OTUD7A: variants seen among roughly 807,000 people sequenced by gnomAD.
OTUD7A encodes OTU domain-containing protein 7A.
OTUD7A carries 12 observed loss-of-function variants against 65.7 expected under a neutral mutation model. That is an observed-to-expected ratio of 0.18 (90% confidence interval 0.12 to 0.30). OTUD7A has a LOEUF of 0.30. Among genes scored for constraint, OTUD7A ranks in the 10% least tolerant of loss-of-function variants. The probability of loss-of-function intolerance (pLI) is 1.00; values close to 1 mark genes in which losing one functional copy is unlikely to be tolerated. For missense variants in OTUD7A, 1,148 were observed against 1,304.8 expected, an observed-to-expected ratio of 0.88 and a Z score of 1.85; for synonymous variants, 641 against 586.3, an observed-to-expected ratio of 1.09 and a Z score of -1.35.
At chr15:31,501,642 G>T (rs1413141885) in intron 10 of OTUD7A, 48 bp downstream of exon 10, 1 of 1,611,456 alleles carries the variant, frequency 6.2e-7, no homozygotes, top group African/African-American at 1.3e-5. Flanking sequence ...TGATGGCTCT[G>T]CCCCCACCCT....
intron 3 of OTUD7A, among the ~76,000 whole-genome samples, chr15:31,614,311 A>ACAG (rs1242463775): frequency 6.6e-6 from 1 of 152,174 alleles, no homozygotes; most frequent in Non-Finnish European, 1.5e-5. Context: ...AATAGAAAAA[A>ACAG]AAAGACAATG....
At chr15:31,564,333 G>T (rs535330674) in intron 4 of OTUD7A, among the ~76,000 whole-genome samples, 5 of 146,304 alleles carry the variant, frequency 3.4e-5, no homozygotes, top group Admixed American at 2.2e-4. Flanking sequence ...GGCACTCAAG[G>T]CCTTAGGAGA....
At chr15:31,515,931 T>TATCCATCC (rs75133111) in intron 8 of OTUD7A, among the ~76,000 whole-genome samples, 48 of 142,824 alleles carry the variant, frequency 3.4e-4, no homozygotes, top group African/African-American at 5.2e-4. Context: ...CATGTACCTC[T>TATCCATCC]ATCCATCCAT....
chr15:31,503,130 C>T (rs966035974), intron 9 of OTUD7A, among the ~76,000 whole-genome samples: 2 of 152,104 alleles, frequency 1.3e-5, no homozygotes, highest in African/African-American at 4.8e-5. Flanking sequence ...GGTGTCCACC[C>T]TGGGAGGTTG....
chr15:31,755,709 G>A (rs1405648533), intron 1 of OTUD7A, among the ~76,000 whole-genome samples: 4 of 149,814 alleles, frequency 2.7e-5, no homozygotes, highest in Admixed American at 6.6e-5. Context: ...GAGACAGAGC[G>A]AGACTCTGTC....
chr15:31,781,552 G>A (rs1357809209), intron 1 of OTUD7A, among the ~76,000 whole-genome samples: 1 of 152,162 alleles, frequency 6.6e-6, no homozygotes, highest in African/African-American at 2.4e-5. Context: ...CTGCACCAAT[G>A]TATACATCTT....
intron 1 of OTUD7A, among the ~76,000 whole-genome samples, chr15:31,772,280 A>C (rs1002717570): frequency 2.0e-5 from 3 of 151,434 alleles, no homozygotes; most frequent in Non-Finnish European, 2.9e-5. Context: ...AATATTTTAG[A>C]GTGTTGATTT....
intron 1 of OTUD7A, among the ~76,000 whole-genome samples, chr15:31,709,034 G>A (rs12592834): frequency 0.49 from 74,190 of 151,170 alleles, 20,729 homozygotes; most frequent in South Asian, 0.68. Flanking sequence ...GAATCCGAGC[G>A]GAATGCCACA....
chr15:31,558,699 T>C, intron 5 of OTUD7A: 1 of 525,694 alleles, frequency 1.9e-6, no homozygotes, highest in Admixed American at 3.2e-5. Flanking sequence ...AAGCATAGAG[T>C]TCTCCTTAAA....
At chr15:31,659,241 A>G (rs1169957091) in intron 1 of OTUD7A, among the ~76,000 whole-genome samples, 2 of 152,292 alleles carry the variant, frequency 1.3e-5, no homozygotes, top group African/African-American at 4.8e-5. Flanking sequence ...CCCTGGGGAC[A>G]GGTACAGGAA....
chr15:31,538,210 G>A (rs1351350519), intron 5 of OTUD7A, among the ~76,000 whole-genome samples: 2 of 152,144 alleles, frequency 1.3e-5, no homozygotes, highest in Non-Finnish European at 2.9e-5. Flanking sequence ...GGCCTGATGC[G>A]GCCACAGCTA....
chr15:31,592,112 AGTGAGTGAGAG>A (rs1889744316), intron 3 of OTUD7A, among the ~76,000 whole-genome samples: 1 of 152,238 alleles, frequency 6.6e-6, no homozygotes, highest in Non-Finnish European at 1.5e-5. Flanking sequence ...TGGATGAGTC[AGTGAGTGAGAG>A]GTGAGTGAAT....
intron 5 of OTUD7A, among the ~76,000 whole-genome samples, chr15:31,546,497 C>T (rs942146442): frequency 1.3e-5 from 2 of 152,144 alleles, no homozygotes; most frequent in African/African-American, 4.8e-5. Context: ...CTCAAACTGT[C>T]CCCCACCCCA....
At chr15:31,723,016 C>A (rs1379274763) in intron 1 of OTUD7A, among the ~76,000 whole-genome samples, 1 of 152,182 alleles carries the variant, frequency 6.6e-6, no homozygotes, top group Non-Finnish European at 1.5e-5. Flanking sequence ...GGAAAGATGA[C>A]CAGCAGTCCT....
intron 1 of OTUD7A, among the ~76,000 whole-genome samples, chr15:31,746,646 G>A (rs1269751143): frequency 2.0e-5 from 3 of 151,604 alleles, no homozygotes; most frequent in Non-Finnish European, 2.9e-5. Context: ...ACAAGCATGC[G>A]CCACCACACC....
chr15:31,702,625 T>C lies in OTUD7A; in HGVS notation c.-99-45548A>G, dbSNP rs575912339. 1.2e-4 allele frequency among the ~76,000 whole-genome samples: 18 copies of C among 152,006 alleles called. No homozygotes were observed. The East Asian group carries it at 3.5e-3, about 29-fold the overall frequency. On this transcript the variant is annotated intron_variant, in intron 1 of 12. Transcript: ENST00000307050. The stretch of plus-strand genomic sequence containing the variant: ...TACTAATTAAATAAATGTAGAAACA[T>C]ACTGTGTCCACAGATTGAAAAACTC...
chr15:31,479,046 G>A lies in OTUD7A; in HGVS notation c.*4248C>T, dbSNP rs1057370438. The A allele has an allele frequency of 6.6e-6, 1 of 152,322 alleles. No homozygotes were observed. The allele number at this position is 152,322 out of a possible 1,614,324, so 9.4% of individuals were successfully genotyped here. ...TGCCCCGGCCAGCCACACTAAAACA[G>A]GCCAGCTAGAGTTTAGAGTCAGGAG... is the stretch of plus-strand genomic sequence containing the variant. On this transcript the variant is annotated 3_prime_UTR_variant, in exon 13 of 13. Transcript: ENST00000307050.
At chr15:31,658,452 G>A (rs532717946) in intron 1 of OTUD7A, among the ~76,000 whole-genome samples, 39 of 152,252 alleles carry the variant, frequency 2.6e-4, no homozygotes, top group Admixed American at 9.8e-4. Flanking sequence ...TCCCGTATCC[G>A]AGGTTGCAGT....
At chr15:31,766,597 C>A (rs954932910) in intron 1 of OTUD7A, 29 of 1,611,102 alleles carry the variant, frequency 1.8e-5, no homozygotes, top group Admixed American at 3.3e-5. Context: ...ATTTCAGCCA[C>A]TGGTGTATTG....
Sources: allele counts gnomAD v4.1 joint callset (sites outside exome capture counted in the v4.1 genomes callset), GRCh38; gene constraint gnomAD v4.1.1; transcripts MANE v1.5; gene names NCBI Gene and HGNC (gene_info 2026-07-23, HGNC 2026-07-21).